The following FOXK1 variants were observed in gnomAD, a reference collection of about 807,000 sequenced individuals.
The protein encoded by FOXK1 is forkhead box protein K1.
A neutral mutation model predicts 51.9 loss-of-function variants in FOXK1; 19 were observed. The observed-to-expected ratio is 0.37, with a 90% confidence interval of 0.26 to 0.54. FOXK1 has a LOEUF of 0.54. Among genes scored for constraint, FOXK1 ranks in the 20% least tolerant of loss-of-function variants. The pLI is 0.87. For synonymous variants in FOXK1, 537 were observed against 482.6 expected (o/e 1.11, Z -1.48); for missense variants, 870 against 1,032.7 (o/e 0.84, Z 2.16).
At chr7:4,736,060 A>G (rs1385414493) in intron 1 of FOXK1, among the ~76,000 whole-genome samples, 1 of 152,114 alleles carries the variant, frequency 6.6e-6, no homozygotes, top group Non-Finnish European at 1.5e-5. Flanking sequence ...GAGGCAGGAG[A>G]ATCCCTTGAA....
chr7:4,682,903 G>T lies in FOXK1; in HGVS notation c.560+35G>T, dbSNP rs1464519560. The T allele has an allele frequency of 2.1e-6, 3 of 1,423,720 alleles. No individual in the cohort carries two copies. The highest frequency in any genetic ancestry group is 1.8e-6 in the Non-Finnish European group (2 of 1,086,050). 88.2% of individuals were successfully genotyped at this position (1,423,720 alleles called of 1,614,324 possible). A position where few individuals can be genotyped will look rare whatever the true frequency, so the allele number is the denominator to read the frequency against. ...CCCGCGACCCCCGCCGCCCGCACCC[G>T]GGGCTCGCCCACGACCTCGATCTCT... On this transcript the variant is annotated intron_variant, in intron 1 of 8. Coordinates refer to ENST00000328914, the MANE Select transcript of FOXK1 (RefSeq NM_001037165.2). This position sits in a 1 kb window ranked among gnomAD's most constrained non-coding sequence, Gnocchi z 7.6.
At chr7:4,738,259 A>G (rs1016444573) in intron 1 of FOXK1, among the ~76,000 whole-genome samples, 5 of 151,602 alleles carry the variant, frequency 3.3e-5, no homozygotes, top group African/African-American at 1.2e-4. Flanking sequence ...CAACATGGTG[A>G]AACCCCATCT....
At chr7:4,695,068 G>A (rs911979009) in intron 1 of FOXK1, among the ~76,000 whole-genome samples, 1 of 152,242 alleles carries the variant, frequency 6.6e-6, no homozygotes, top group Non-Finnish European at 1.5e-5. Context: ...GAACAGGCCG[G>A]CCTTAGCCAT....
At position 4,706,054 on chromosome 7, in the gene FOXK1, G is replaced by GTA. The variant is rs1209672227; in HGVS notation, c.560+23194_560+23195dup. ...TATACGTGTATATACGTGTATATATGTATATATATGTGTATATATGTATAT... is the reference window on the plus strand; with the variant it reads ...TATACGTGTATATACGTGTATATATGTATATATATATGTGTATATATGTATAT... On this transcript the variant is annotated intron_variant, in intron 1 of 8. Coordinates refer to ENST00000328914, the MANE Select transcript of FOXK1 (RefSeq NM_001037165.2). 1.2e-4 allele frequency among the ~76,000 whole-genome samples: 14 copies of GTA among 117,182 alleles called. 1 individual carries two copies. The highest frequency in any genetic ancestry group is 5.0e-4 in the African/African-American group (9 of 18,022). The allele number at this position is 117,182 out of a possible 152,430, so 76.9% of individuals were successfully genotyped here.
rs577517648 is a variant in FOXK1, at chr7:4,699,519, C to G, written c.560+16651C>G. ...AGTAGCTGGGATTACAGGTGCCCAC[C>G]ACCATGCTGGGCTAATTTTTGTATT... On this transcript the variant is annotated intron_variant, in intron 1 of 8. Coordinates refer to ENST00000328914, the MANE Select transcript of FOXK1 (RefSeq NM_001037165.2). Among the ~76,000 whole-genome samples the G allele has an allele frequency of 4.2e-4, 64 of 152,130 alleles. 1 individual carries two copies. The highest frequency in any genetic ancestry group is 1.4e-3 in the African/African-American group (60 of 41,480).
At position 4,723,855 on chromosome 7, in the gene FOXK1, AG is replaced by A. The variant is rs1245338963; in HGVS notation, c.561-16982del. Among the ~76,000 whole-genome samples the A allele has an allele frequency of 6.6e-6, 1 of 152,032 alleles. No individual in the cohort carries two copies. Among genetic ancestry groups the A allele is most frequent in the African/African-American group, 2.4e-5 (1 of 41,406 alleles). ...GCTGACTTCTTTGTATTTTTGGTAAAGATGGGGATCTCACTATGTTGCCCAG... is the reference window on the plus strand; with the variant it reads ...GCTGACTTCTTTGTATTTTTGGTAAAATGGGGATCTCACTATGTTGCCCAG... On this transcript the variant is annotated intron_variant, in intron 1 of 8. Transcript: ENST00000328914. This position sits in a 1 kb window ranked among gnomAD's most constrained non-coding sequence, Gnocchi z 4.7.
At chr7:4,702,041 C>G (rs559551757) in intron 1 of FOXK1, among the ~76,000 whole-genome samples, 22 of 152,336 alleles carry the variant, frequency 1.4e-4, no homozygotes, top group African/African-American at 5.3e-4. Context: ...TACCACTGCA[C>G]TCCAGCCTAG....
rs1011409335 is a variant in FOXK1 at position 4,755,624 on chromosome 7, C to T, written c.1050+241C>T. Among the ~76,000 whole-genome samples the T allele has an allele frequency of 2.6e-5, 4 of 152,058 alleles. No homozygotes were observed. The highest frequency in any genetic ancestry group is 9.7e-5 in the African/African-American group (4 of 41,386). On this transcript the variant is annotated intron_variant, in intron 4 of 8. Transcript: ENST00000328914. This position sits in a 1 kb window ranked among gnomAD's most constrained non-coding sequence, Gnocchi z 6.6. Reference sequence around the variant, plus strand: ...GTGCACACCTGTGGTCGCAGCTACTCGGAGGCTGAGGTGGGAGGATCACTT... The same window carrying T: ...GTGCACACCTGTGGTCGCAGCTACTTGGAGGCTGAGGTGGGAGGATCACTT...
Position 4,761,131 on chromosome 7 carries a change from G to A in FOXK1, c.1764G>A (p.Val588=), listed in dbSNP as rs201318459. 1.9e-6 allele frequency: 3 copies of A among 1,612,900 alleles called. No homozygotes were observed. In the East Asian group the frequency reaches 6.7e-5, roughly 36 times the overall value. ...CGGCTGGTGGAGTCATCCAGACGGT[G>A]GCCAGCCAGATGGCCCCCGGGGTCC... is the stretch of plus-strand genomic sequence containing the variant. ...IPAAGGVIQT[V]ASQMAPGVPG... is the part of the protein sequence containing the mutation. The change falls in exon 8 of 9, where the codon GTG becomes GTA. Residue 588 remains valine (V), a synonymous_variant. Coordinates refer to ENST00000328914, the MANE Select transcript of FOXK1 (RefSeq NM_001037165.2). The surrounding 1 kb of genome is among the most constrained non-coding windows in gnomAD (Gnocchi z 6.2).
Position 4,707,342 on chromosome 7 carries a change from C to T in FOXK1, c.560+24474C>T, listed in dbSNP as rs1780115044. ...TGATGAATGGGCCATCCGGGATAAA[C>T]AGATGGGACGGAGAGTGCAATTTAC... is the stretch of plus-strand genomic sequence containing the variant. On this transcript the variant is annotated intron_variant, in intron 1 of 8. Transcript: ENST00000328914. This position sits in a 1 kb window ranked among gnomAD's most constrained non-coding sequence, Gnocchi z 4.1. 6.6e-6 allele frequency among the ~76,000 whole-genome samples: 1 copy of T among 152,198 alleles called. No individual in the cohort carries two copies. Among genetic ancestry groups the T allele is most frequent in the African/African-American group, 2.4e-5 (1 of 41,456 alleles).
rs1025850910 is a variant in FOXK1 at position 4,723,236 on chromosome 7, C to T, written c.561-17602C>T. ...GGCGGCTTGCACGTTGCACGTCCCC[C>T]GGCTCAGCACCGAGCAAGTGGGCCT... On this transcript the variant is annotated intron_variant, in intron 1 of 8. Coordinates refer to ENST00000328914, the MANE Select transcript of FOXK1 (RefSeq NM_001037165.2). The surrounding 1 kb of genome is among the most constrained non-coding windows in gnomAD (Gnocchi z 4.7). Among the ~76,000 whole-genome samples, 19 of 152,068 alleles carry T rather than the reference C, an allele frequency of 1.2e-4. No homozygotes were observed. Among genetic ancestry groups the T allele is most frequent in the African/African-American group, 4.1e-4 (17 of 41,508 alleles).
Position 4,759,442 on chromosome 7 carries a change from G to A in FOXK1, c.1543G>A (p.Val515Ile). The change falls in exon 7 of 9, where the codon GTC (valine) becomes ATC (isoleucine). Residue 515 changes from valine to isoleucine, a missense_variant. By Grantham distance (29) the Val-to-Ile change is conservative. This residue lies in a region of FOXK1 where 457 missense variants were observed against 510.8 expected (regional missense o/e 0.89). Coordinates refer to ENST00000328914, the MANE Select transcript of FOXK1 (RefSeq NM_001037165.2). Reference sequence around the variant, plus strand: ...GCAGCCCGCGGGCCACGCCATCCACGTCGTGCAGCAGGCCCCCACCGTCAC... The same window carrying A: ...GCAGCCCGCGGGCCACGCCATCCACATCGTGCAGCAGGCCCCCACCGTCAC... ...SQQPAGHAIH[V>I]VQQAPTVTMV... 1 of 1,594,602 alleles carries A rather than the reference G, an allele frequency of 6.3e-7. No individual in the cohort carries two copies.
In FOXK1 at chr7:4,759,538, G is replaced by C; in HGVS notation, c.1639G>C (p.Gly547Arg). The stretch of plus-strand genomic sequence containing the variant: ...CATCCTCACCAGCCAGGGCGCGGCG[G>C]GGGGCTCCCATGATGCGGCGGGCGC... Reference protein sequence around the residue: ...GYILTSQGAAGGSHDAAGAAV... With the variant: ...GYILTSQGAARGSHDAAGAAV... Residue 547 changes from glycine to arginine, a missense_variant, in exon 7 of 9, where the codon GGG becomes CGG. Physicochemically the swap from Gly to Arg is moderately radical, Grantham distance 125. Around this residue, in one of 3 missense-constraint regions of FOXK1, gnomAD observed 457 missense variants for 510.8 expected, o/e 0.89. Coordinates refer to ENST00000328914, the MANE Select transcript of FOXK1 (RefSeq NM_001037165.2). 1.3e-6 allele frequency: 2 copies of C among 1,557,744 alleles called. No homozygotes were observed. Among genetic ancestry groups the C allele is most frequent in the African/African-American group, 1.3e-5 (1 of 74,080 alleles).
intron 1 of FOXK1, among the ~76,000 whole-genome samples, chr7:4,689,382 G>T (rs919624554): frequency 1.3e-5 from 2 of 152,164 alleles, no homozygotes; most frequent in African/African-American, 4.8e-5. Context: ...AGGTGTTATG[G>T]ATCACAGCCT....
intron 2 of FOXK1, among the ~76,000 whole-genome samples, chr7:4,746,555 G>A (rs1780705004): frequency 6.6e-6 from 1 of 152,052 alleles, no homozygotes; most frequent in Non-Finnish European, 1.5e-5. Flanking sequence ...AGGTGCAGTG[G>A]CTCATGTCTT....
chr7:4,705,574 G>GCTCTCGCTC (rs1780078427), intron 1 of FOXK1, among the ~76,000 whole-genome samples: 2 of 110,570 alleles, frequency 1.8e-5, no homozygotes, highest in African/African-American at 8.5e-5. Flanking sequence ...TCGCTCTCTC[G>GCTCTCGCTC]TCGCCAGGCT....
At chr7:4,757,213 C>T (rs1583211815) in intron 5 of FOXK1, 26 bp downstream of exon 5, 12 of 1,562,316 alleles carry the variant, frequency 7.7e-6, no homozygotes, top group Admixed American at 1.9e-5. Context: ...CGCCCGTCCT[C>T]CAGCTGTTAG....
In FOXK1 at chr7:4,745,378, G is replaced by C. The variant is rs7797790; in HGVS notation, c.746+4355G>C. ...TCCCTGATCAGCTGCCCCTGCCCCC[G>C]CCCCCCGCGCCACCCTGCGTCCTTC... is the stretch of plus-strand genomic sequence containing the variant. On this transcript the variant is annotated intron_variant, in intron 2 of 8. Coordinates refer to ENST00000328914, the MANE Select transcript of FOXK1 (RefSeq NM_001037165.2). The surrounding 1 kb of genome is among the most constrained non-coding windows in gnomAD (Gnocchi z 4.3). Among the ~76,000 whole-genome samples, 27 of 150,362 alleles carry C rather than the reference G, an allele frequency of 1.8e-4. No individual in the cohort carries two copies. The highest frequency in any genetic ancestry group is 6.0e-4 in the East Asian group (3 of 5,032).
rs1346317315 is a variant in FOXK1, at chr7:4,707,206, C to T, written c.560+24338C>T. Among the ~76,000 whole-genome samples the T allele has an allele frequency of 1.3e-5, 2 of 152,192 alleles. No homozygotes were observed. The highest frequency in any genetic ancestry group is 4.1e-4 in the South Asian group (2 of 4,830). ...GACACAGACATTGCCCAAACACTAA[C>T]GGAGAGGGAAGAGGTGCGGGGAGCT... On this transcript the variant is annotated intron_variant, in intron 1 of 8. Transcript: ENST00000328914. The surrounding 1 kb of genome is among the most constrained non-coding windows in gnomAD (Gnocchi z 4.1).
Sources: allele counts gnomAD v4.1 joint callset (sites outside exome capture counted in the v4.1 genomes callset), GRCh38; gene constraint gnomAD v4.1.1; regional missense constraint gnomAD v4.1.1; non-coding constraint Gnocchi (gnomAD v3.1); transcripts MANE v1.5; gene names NCBI Gene and HGNC (gene_info 2026-07-23, HGNC 2026-07-21).